The following GRM8 variants were observed in gnomAD, a reference collection of about 807,000 sequenced individuals.
The protein encoded by GRM8 is glutamate metabotropic receptor 8, also known as metabotropic glutamate receptor 8.
GRM8 carries 47 observed loss-of-function variants against 87.2 expected under a neutral mutation model. That is an observed-to-expected ratio of 0.54 (90% CI 0.43 to 0.69). The LOEUF (loss-of-function observed/expected upper bound fraction) is 0.69. GRM8 is among the 30% of genes least tolerant of loss of function. GRM8 has a pLI of 0.00. For missense variants in GRM8, 1,019 were observed against 1,139.2 expected (o/e 0.89, Z 1.52); for synonymous variants, 396 against 404.5 (o/e 0.98, Z 0.25).
chr7:127,018,090 A>G (rs6976356), intron 3 of GRM8, among the ~76,000 whole-genome samples: 2,122 of 152,098 alleles, frequency 0.014, 46 homozygotes, highest in African/African-American at 0.048. Context: ...AACAGAGCAA[A>G]GCACTGGACA....
chr7:126,582,769 A>C (rs1795730958), intron 8 of GRM8, among the ~76,000 whole-genome samples: 1 of 152,150 alleles, frequency 6.6e-6, no homozygotes, highest in African/African-American at 2.4e-5. Flanking sequence ...GTGTTGCATA[A>C]ATGGAAGTAC....
intron 6 of GRM8, among the ~76,000 whole-genome samples, chr7:126,823,909 A>G (rs1668162705): frequency 6.6e-6 from 1 of 152,108 alleles, no homozygotes; most frequent in African/African-American, 2.4e-5. Context: ...CCTAGCTGCA[A>G]ATTTGGTGGC....
At chr7:126,674,532 A>G (rs932538029) in intron 7 of GRM8, among the ~76,000 whole-genome samples, 3 of 152,228 alleles carry the variant, frequency 2.0e-5, no homozygotes, top group South Asian at 2.1e-4. Flanking sequence ...TTATACTATA[A>G]GAAATATACT....
chr7:126,931,034 C>A (rs1435466270), intron 3 of GRM8, among the ~76,000 whole-genome samples: 1 of 152,084 alleles, frequency 6.6e-6, no homozygotes, highest in African/African-American at 2.4e-5. Flanking sequence ...GGCAGTGAAA[C>A]AATTTGTCTG....
At chr7:127,051,835 G>T (rs537703993) in intron 3 of GRM8, among the ~76,000 whole-genome samples, 6 of 149,130 alleles carry the variant, frequency 4.0e-5, no homozygotes, top group Admixed American at 1.3e-4. Context: ...GAACAATACT[G>T]AATATTGTTT....
chr7:126,912,013 C>T (rs992963104), intron 3 of GRM8, among the ~76,000 whole-genome samples: 10 of 151,838 alleles, frequency 6.6e-5, no homozygotes, highest in Admixed American at 1.3e-4. Flanking sequence ...GCTAACACAG[C>T]GAAACCCCGT....
At chr7:126,944,004 T>C (rs978552135) in intron 3 of GRM8, among the ~76,000 whole-genome samples, 2 of 152,214 alleles carry the variant, frequency 1.3e-5, no homozygotes, top group African/African-American at 4.8e-5. Flanking sequence ...TCTTTCCAGG[T>C]AGATCTGCTG....
At chr7:126,983,006 G>A (rs1477788316) in intron 3 of GRM8, among the ~76,000 whole-genome samples, 1 of 152,170 alleles carries the variant, frequency 6.6e-6, no homozygotes, top group Non-Finnish European at 1.5e-5. Flanking sequence ...CTGTTGTGTA[G>A]TAGTAGACTG....
At position 126,685,861 on chromosome 7, in the gene GRM8, C is replaced by T. The variant is rs1808126828; in HGVS notation, c.1358-76363G>A. Reference sequence around the variant, plus strand: ...TGCCCTACCTTCAAGCTGAGGAGGGCCTGAACCCTGGGGGCTGGGAGCCAT... The same window carrying T: ...TGCCCTACCTTCAAGCTGAGGAGGGTCTGAACCCTGGGGGCTGGGAGCCAT... On this transcript the variant is annotated intron_variant, in intron 7 of 10. Transcript: ENST00000339582. The surrounding 1 kb of genome is among the most constrained non-coding windows in gnomAD (Gnocchi z 4.2). Among the ~76,000 whole-genome samples, 1 of 151,936 alleles carries T rather than the reference C, an allele frequency of 6.6e-6. No homozygotes were observed. The highest frequency in any genetic ancestry group is 6.6e-5 in the Admixed American group (1 of 15,264).
chr7:126,439,030 G>C lies in GRM8; in HGVS notation c.*89C>G. 1 of 804,352 alleles carries C rather than the reference G, an allele frequency of 1.2e-6. No individual in the cohort carries two copies. The highest frequency in any genetic ancestry group is 1.4e-5 in the South Asian group (1 of 73,768). The allele number at this position is 804,352 out of a possible 1,614,324, so 49.8% of individuals were successfully genotyped here. A position where few individuals can be genotyped will look rare whatever the true frequency, so the allele number is the denominator to read the frequency against. On this transcript the variant is annotated 3_prime_UTR_variant, in exon 11 of 11. Transcript: ENST00000339582. ...ATTGATTTGATTGATTGTAGTCTAC[G>C]GAGATCTCCAGGAGTGAATTTTTGC...
chr7:126,614,160 G>T (rs1196680606), intron 7 of GRM8, among the ~76,000 whole-genome samples: 1 of 152,116 alleles, frequency 6.6e-6, no homozygotes, highest in Non-Finnish European at 1.5e-5. Context: ...ACACGGCCGG[G>T]TACCCTTCTG....
intron 6 of GRM8, among the ~76,000 whole-genome samples, chr7:126,884,060 T>G (rs1378360058): frequency 6.6e-6 from 1 of 152,086 alleles, no homozygotes; most frequent in African/African-American, 2.4e-5. Context: ...AATACTAAAA[T>G]TAGCTGTGAT....
intron 3 of GRM8, among the ~76,000 whole-genome samples, chr7:126,941,696 T>C (rs2131538425): frequency 6.6e-6 from 1 of 152,184 alleles, no homozygotes. Flanking sequence ...AGTTAACTTT[T>C]ACTTCCAGAA....
intron 8 of GRM8, among the ~76,000 whole-genome samples, chr7:126,540,278 A>G (rs1816384373): frequency 2.0e-5 from 3 of 152,164 alleles, no homozygotes; most frequent in Admixed American, 2.0e-4. Context: ...AATAAAAAAT[A>G]AAGACAATAG....
chr7:126,459,070 G>A (rs576090468), intron 9 of GRM8, among the ~76,000 whole-genome samples: 87 of 150,506 alleles, frequency 5.8e-4, no homozygotes, highest in South Asian at 8.3e-4. Context: ...AGAAGAAAGC[G>A]ATAAGACAGA....
intron 3 of GRM8, among the ~76,000 whole-genome samples, chr7:127,081,614 G>A (rs17866151): frequency 0.011 from 1,669 of 152,250 alleles, 26 homozygotes; most frequent in African/African-American, 0.037. Flanking sequence ...CTGTGCCTGG[G>A]CCAGAAGGGG....
intron 9 of GRM8, among the ~76,000 whole-genome samples, chr7:126,475,410 G>A (rs1805782627): frequency 1.3e-5 from 2 of 151,926 alleles, no homozygotes; most frequent in South Asian, 4.1e-4. Flanking sequence ...AAAGTTTAAG[G>A]AGGTGGAAGA....
chr7:126,638,589 G>A (rs1457836134), intron 7 of GRM8, among the ~76,000 whole-genome samples: 1 of 152,136 alleles, frequency 6.6e-6, no homozygotes, highest in Non-Finnish European at 1.5e-5. Flanking sequence ...TGTATTGTAG[G>A]TCAGCCAGAA....
chr7:127,099,014 A>G (rs1367556043), intron 3 of GRM8, among the ~76,000 whole-genome samples: 2 of 152,206 alleles, frequency 1.3e-5, no homozygotes, highest in African/African-American at 4.8e-5. Flanking sequence ...TAATGATAGC[A>G]GTAGCATTAA....
Sources: allele counts gnomAD v4.1 joint callset (sites outside exome capture counted in the v4.1 genomes callset), GRCh38; gene constraint gnomAD v4.1.1; non-coding constraint Gnocchi (gnomAD v3.1); transcripts MANE v1.5; gene names NCBI Gene and HGNC (gene_info 2026-07-23, HGNC 2026-07-21).